SND1: variants seen among roughly 807,000 people sequenced by gnomAD.
The protein encoded by SND1 is staphylococcal nuclease domain-containing protein 1.
SND1 carries 38 observed loss-of-function variants against 121.7 expected under a neutral mutation model. The ratio of observed to expected loss-of-function variants is 0.31; its 90% CI spans 0.24 to 0.41. The LOEUF is 0.41. SND1 is among the 10% of genes least tolerant of loss of function. The pLI is 1.00. For synonymous variants in SND1, 401 were observed against 447.4 expected, an observed-to-expected ratio of 0.90 and a Z score of 1.31; for missense variants, 868 against 1,184.6, an observed-to-expected ratio of 0.73 and a Z score of 3.92.
At chr7:128,010,695 G>GT (rs1398110870) in intron 16 of SND1, among the ~76,000 whole-genome samples, 3 of 152,260 alleles carry the variant, frequency 2.0e-5, no homozygotes, top group East Asian at 3.8e-4. Flanking sequence ...CAGAGATGCC[G>GT]TAAGAAGGCA....
At chr7:128,055,931 C>T (rs1793134643) in intron 16 of SND1, among the ~76,000 whole-genome samples, 1 of 152,162 alleles carries the variant, frequency 6.6e-6, no homozygotes, top group African/African-American at 2.4e-5. Context: ...TGCCTGCTGA[C>T]TAGTGACAAG....
chr7:128,021,993 C>CA, intron 16 of SND1, among the ~76,000 whole-genome samples: 1 of 152,056 alleles, frequency 6.6e-6, no homozygotes, highest in South Asian at 2.1e-4. Context: ...TGCCTGAGGT[C>CA]GGGAGTTTCA....
intron 10 of SND1, among the ~76,000 whole-genome samples, chr7:127,724,473 A>T (rs1437473673): frequency 6.6e-6 from 1 of 152,206 alleles, no homozygotes; most frequent in African/African-American, 2.4e-5. Flanking sequence ...CAGATCAAAC[A>T]TGTCCTGTGA....
intron 15 of SND1, among the ~76,000 whole-genome samples, chr7:127,977,422 A>G (rs1802146312): frequency 6.6e-6 from 1 of 152,176 alleles, no homozygotes; most frequent in Non-Finnish European, 1.5e-5. Flanking sequence ...CATGTTTTAT[A>G]TGGTCCGAAG....
intron 2 of SND1, among the ~76,000 whole-genome samples, chr7:127,694,487 T>C (rs1795974209): frequency 6.6e-6 from 1 of 152,228 alleles, no homozygotes; most frequent in Admixed American, 6.5e-5. Context: ...GCACATGGTA[T>C]GTGCTATAAA....
chr7:128,076,691 T>A (rs1462724321), intron 17 of SND1, among the ~76,000 whole-genome samples: 1 of 152,240 alleles, frequency 6.6e-6, no homozygotes, highest in African/African-American at 2.4e-5. Flanking sequence ...CAAGATCCTG[T>A]TAGCATCAGG....
chr7:127,959,853 T>G (rs998490409), intron 15 of SND1, among the ~76,000 whole-genome samples: 14 of 152,230 alleles, frequency 9.2e-5, no homozygotes, highest in African/African-American at 3.1e-4. Flanking sequence ...GATACATATT[T>G]GTTGAATGAA....
chr7:127,896,318 G>T (rs1171611380), intron 13 of SND1, among the ~76,000 whole-genome samples: 1 of 152,014 alleles, frequency 6.6e-6, no homozygotes, highest in South Asian at 2.1e-4. Flanking sequence ...GGAGGTTCTT[G>T]TACTGGGAAT....
At chr7:127,709,435 C>G (rs988380816) in intron 9 of SND1, among the ~76,000 whole-genome samples, 4 of 152,146 alleles carry the variant, frequency 2.6e-5, no homozygotes, top group African/African-American at 7.2e-5. Flanking sequence ...CCAGCCTGTC[C>G]TCTATTAAAA....
At chr7:127,908,381 C>T (rs1034337192) in intron 14 of SND1, among the ~76,000 whole-genome samples, 11 of 144,020 alleles carry the variant, frequency 7.6e-5, no homozygotes, top group Non-Finnish European at 1.2e-4. Flanking sequence ...GACCCATCTG[C>T]GTCTCTTACA....
chr7:127,726,189 C>T (rs981208013), intron 10 of SND1, among the ~76,000 whole-genome samples: 7 of 152,146 alleles, frequency 4.6e-5, no homozygotes, highest in South Asian at 2.1e-4. Context: ...CAATATTACC[C>T]GGAAATTCAT....
At chr7:127,807,665 C>A (rs1199517278) in intron 11 of SND1, 92 bp downstream of exon 11, 4 of 906,500 alleles carry the variant, frequency 4.4e-6, no homozygotes, top group African/African-American at 1.6e-5. Context: ...CCTTTACCAG[C>A]AGATGACACT....
chr7:128,082,512 C>G (rs1355188870), intron 18 of SND1, among the ~76,000 whole-genome samples: 1 of 152,186 alleles, frequency 6.6e-6, no homozygotes, highest in African/African-American at 2.4e-5. Context: ...ATTCCTGGCC[C>G]TGGGCTGGCT....
chr7:127,775,039 C>T (rs985959312), intron 10 of SND1, among the ~76,000 whole-genome samples: 6 of 152,162 alleles, frequency 3.9e-5, no homozygotes, highest in African/African-American at 1.4e-4. Context: ...GCCCTAAATC[C>T]AGTGGCTTGT....
intron 12 of SND1, among the ~76,000 whole-genome samples, chr7:127,854,595 A>AT (rs1184991532): frequency 8.6e-5 from 13 of 150,986 alleles, no homozygotes; most frequent in Non-Finnish European, 1.3e-4. Context: ...GAATAGTGCC[A>AT]TGATGTGATA....
At chr7:127,789,158 C>T (rs1354931210) in intron 10 of SND1, among the ~76,000 whole-genome samples, 1 of 152,232 alleles carries the variant, frequency 6.6e-6, no homozygotes, top group African/African-American at 2.4e-5. Context: ...CTGCCCCCAG[C>T]AGTGAGTCTC....
chr7:127,801,985 G>A lies in SND1; in HGVS notation c.1153-5499G>A, dbSNP rs1225025792. On this transcript the variant is annotated intron_variant, in intron 10 of 23. Coordinates refer to ENST00000354725, the MANE Select transcript of SND1 (RefSeq NM_014390.4). ...GCCTCCCGAGTAGCTGGGACTACAG[G>A]CACCCACCACCATGCTTGGCTAAAT... Among the ~76,000 whole-genome samples, 3 of 152,060 alleles carry A rather than the reference G, an allele frequency of 2.0e-5. No homozygotes were observed. The East Asian group carries it at 5.8e-4, about 29-fold the overall frequency.
chr7:127,664,955 G>A (rs559532467), intron 1 of SND1, among the ~76,000 whole-genome samples: 9 of 152,292 alleles, frequency 5.9e-5, no homozygotes, highest in African/African-American at 2.2e-4. Flanking sequence ...GGTGGTAGGT[G>A]GTAGTAGGAA....
At chr7:128,027,326 G>A (rs1274697390) in intron 16 of SND1, 1 of 152,204 alleles carries the variant, frequency 6.6e-6, no homozygotes, top group Non-Finnish European at 1.5e-5. Flanking sequence ...GCCTGGGAGA[G>A]GGAAGCTTCC....
Sources: gnomAD v4.1 joint callset for allele counts (sites outside exome capture counted in the v4.1 genomes callset) on GRCh38, gnomAD v4.1.1 for gene constraint, MANE v1.5 for transcripts, NCBI Gene and HGNC (gene_info 2026-07-23, HGNC 2026-07-21) for gene names.